Variants in VPS45 observed in about 807,000 individuals in gnomAD.
VPS45 encodes vacuolar protein sorting-associated protein 45.
In VPS45, 35 loss-of-function variants were observed where a neutral mutation model predicts 75.9. That is an observed-to-expected ratio of 0.46 (90% CI 0.35 to 0.61). VPS45 has a LOEUF of 0.61. VPS45 is among the 20% of genes least tolerant of loss of function. VPS45 has a pLI of 0.00. For synonymous variants in VPS45, 220 were observed against 238.2 expected (o/e 0.92, Z 0.70); for missense variants, 559 against 685.9 (o/e 0.81, Z 2.07).
intron 7 of VPS45, among the ~76,000 whole-genome samples, chr1:150,078,324 T>C (rs1220350524): frequency 1.3e-5 from 2 of 152,206 alleles, no homozygotes; most frequent in African/African-American, 4.8e-5. Flanking sequence ...AAACCTCTTA[T>C]AAAACCTAGA....
intron 2 of VPS45, among the ~76,000 whole-genome samples, chr1:150,069,660 G>C (rs1553796611): frequency 6.6e-6 from 1 of 151,808 alleles, no homozygotes; most frequent in Non-Finnish European, 1.5e-5. Context: ...GTTTCACTGT[G>C]TTAGCCAGGA....
intron 13 of VPS45, among the ~76,000 whole-genome samples, chr1:150,104,622 G>T (rs1286316613): frequency 1.3e-5 from 2 of 152,134 alleles, no homozygotes; most frequent in Non-Finnish European, 2.9e-5. Flanking sequence ...TGGAGTGCTG[G>T]ATGGAGTGTA....
intron 14 of VPS45, among the ~76,000 whole-genome samples, chr1:150,125,688 TA>T (rs1658479645): frequency 0.17 from 28 of 164 alleles, no homozygotes; most frequent in Admixed American, 0.47. Flanking sequence ...TTATTTTTTT[TA>T]TATTTTTTAA....
intron 3 of VPS45, among the ~76,000 whole-genome samples, chr1:150,073,319 A>G (rs782598732): frequency 6.6e-6 from 1 of 152,200 alleles, no homozygotes; most frequent in Non-Finnish European, 1.5e-5. Context: ...ACTACAGTCT[A>G]AGACGTACAT....
chr1:150,071,357 C>A (rs1655062247), intron 2 of VPS45, among the ~76,000 whole-genome samples: 1 of 152,160 alleles, frequency 6.6e-6, no homozygotes, highest in African/African-American at 2.4e-5. Context: ...CTGCTACTTG[C>A]AAATACTTCA....
chr1:150,101,143 A>G (rs962478937), intron 13 of VPS45, among the ~76,000 whole-genome samples: 6 of 151,858 alleles, frequency 4.0e-5, no homozygotes, highest in Non-Finnish European at 8.8e-5. Context: ...GGTGGCTGGC[A>G]CCTGTAATTG....
chr1:150,124,640 C>T (rs587669312), intron 14 of VPS45, among the ~76,000 whole-genome samples: 1 of 150,800 alleles, frequency 6.6e-6, no homozygotes, highest in South Asian at 2.1e-4. Context: ...CCCCCTACCT[C>T]CCGGATTTAA....
intron 13 of VPS45, among the ~76,000 whole-genome samples, chr1:150,107,882 C>T (rs1175539691): frequency 6.6e-6 from 1 of 152,100 alleles, no homozygotes; most frequent in Non-Finnish European, 1.5e-5. Flanking sequence ...GCCTGGGTGA[C>T]AAGAGCAAGA....
At chr1:150,083,406 A>G (rs1254947268) in intron 10 of VPS45, 1 of 152,288 alleles carries the variant, frequency 6.6e-6, no homozygotes, top group African/African-American at 2.4e-5. Context: ...ATCTGAATAC[A>G]AAGATGAATA....
Position 150,093,534 on chromosome 1 carries a change from A to G in VPS45, c.1379A>G (p.Glu460Gly). The G allele has an allele frequency of 6.2e-7, 1 of 1,612,358 alleles. No individual in the cohort carries two copies. The highest frequency in any genetic ancestry group is 8.5e-7 in the Non-Finnish European group (1 of 1,179,322). The change falls in exon 13 of 15, where the codon GAA becomes GGA. Residue 460 changes from glutamate (E) to glycine (G), a missense_variant. Physicochemically the swap from Glu to Gly is moderately conservative, Grantham distance 98. Transcript: ENST00000644510. ...KQFLKGLKGV[E>G]NVYTQHQPFL... ...CATTTTCCCCTGTTTTAGGGAGTAG[A>G]AAATGTATATACACAGCATCAACCT...
At chr1:150,120,572 T>G (rs1191139658) in intron 14 of VPS45, among the ~76,000 whole-genome samples, 10 of 152,214 alleles carry the variant, frequency 6.6e-5, no homozygotes, top group Non-Finnish European at 1.3e-4. Flanking sequence ...GAAATTGAAG[T>G]TGCCATTCAA....
intron 14 of VPS45, among the ~76,000 whole-genome samples, chr1:150,135,613 A>C (rs1333529956): frequency 1.3e-5 from 2 of 151,452 alleles, no homozygotes; most frequent in East Asian, 3.9e-4. Context: ...GAAAGATGTA[A>C]GCTGATATAC....
chr1:150,133,917 T>A (rs957731920), intron 14 of VPS45, among the ~76,000 whole-genome samples: 1 of 152,226 alleles, frequency 6.6e-6, no homozygotes, highest in Non-Finnish European at 1.5e-5. Flanking sequence ...AATCTCATTG[T>A]TTGCTTTTCT....
intron 14 of VPS45, among the ~76,000 whole-genome samples, chr1:150,119,505 G>A (rs1553809136): frequency 1.3e-5 from 2 of 152,210 alleles, no homozygotes; most frequent in African/African-American, 4.8e-5. Context: ...CAAGAGCTCT[G>A]CAGCACAGAA....
At chr1:150,089,663 C>G (rs2101559523) in intron 10 of VPS45, among the ~76,000 whole-genome samples, 1 of 152,140 alleles carries the variant, frequency 6.6e-6, no homozygotes, top group East Asian at 1.9e-4. Context: ...CACCCGGCCC[C>G]CAACAGGATT....
intron 7 of VPS45, 105 bp downstream of exon 7, chr1:150,077,884 T>C: frequency 1.1e-6 from 1 of 912,454 alleles, no homozygotes; most frequent in Non-Finnish European, 1.7e-6. Context: ...CCTCCTTATT[T>C]TTAGCTATTC....
intron 7 of VPS45, among the ~76,000 whole-genome samples, chr1:150,080,306 G>T (rs782307973): frequency 2.6e-5 from 4 of 151,870 alleles, no homozygotes; most frequent in Admixed American, 1.3e-4. Context: ...CACCATGCTC[G>T]GCTAGTTTTG....
In VPS45 at chr1:150,079,282, C is replaced by A. The variant is rs1159825787; in HGVS notation, c.687+1503C>A. ...TCATGCTGTACTTGCCATGTTGTAG[C>A]TTTGGTTGTTTACATCCTCTCCTAC... is the stretch of plus-strand genomic sequence containing the variant. On this transcript the variant is annotated intron_variant, in intron 7 of 14. Coordinates refer to ENST00000644510, the MANE Select transcript of VPS45 (RefSeq NM_007259.5). Among the ~76,000 whole-genome samples the A allele has an allele frequency of 2.0e-5, 3 of 152,088 alleles. No homozygotes were observed. The East Asian group carries it at 5.8e-4, about 29-fold the overall frequency.
At chr1:150,103,341 G>A (rs1228882990) in intron 13 of VPS45, among the ~76,000 whole-genome samples, 2 of 152,140 alleles carry the variant, frequency 1.3e-5, no homozygotes, top group Non-Finnish European at 1.5e-5. Context: ...GAATGAAAAG[G>A]AAAAATGTCA....
Sources: allele counts gnomAD v4.1 joint callset (sites outside exome capture counted in the v4.1 genomes callset), GRCh38; gene constraint gnomAD v4.1.1; transcripts MANE v1.5; gene names NCBI Gene and HGNC (gene_info 2026-07-23, HGNC 2026-07-21).